LY9: variants seen among roughly 807,000 people sequenced by gnomAD.
LY9 encodes lymphocyte antigen 9.
Under a neutral mutation model 64.6 loss-of-function variants are expected in LY9, and 59 were observed. That is an observed-to-expected ratio of 0.91 (90% CI 0.74 to 1.13). The LOEUF is 1.13. Ranked by LOEUF, LY9 falls within the 50% of genes most tolerant of loss-of-function variation. The pLI is 0.00. For missense variants in LY9, 789 were observed against 797.2 expected, an observed-to-expected ratio of 0.99 and a Z score of 0.12; for synonymous variants, 281 against 308.5, an observed-to-expected ratio of 0.91 and a Z score of 0.93.
At chr1:160,819,258 G>C (rs1028826148) in intron 6 of LY9, 63 bp from the exon 7 acceptor site, 31 of 1,262,016 alleles carry the variant, frequency 2.5e-5, no homozygotes, top group Non-Finnish European at 3.6e-5. Flanking sequence ...GACTCTCACA[G>C]AATAAAAGAC....
intron 2 of LY9, among the ~76,000 whole-genome samples, chr1:160,807,833 A>G (rs953069931): frequency 4.6e-5 from 7 of 152,124 alleles, no homozygotes; most frequent in Non-Finnish European, 1.0e-4. Flanking sequence ...GGCAATCCCC[A>G]AGATGCTGGC....
intron 7 of LY9, among the ~76,000 whole-genome samples, chr1:160,820,541 A>G (rs1327062978): frequency 6.6e-6 from 1 of 152,196 alleles, no homozygotes; most frequent in African/African-American, 2.4e-5. Flanking sequence ...CTGATGGAAA[A>G]GCATAACCAA....
rs1668112762 is a variant in LY9 at position 160,818,298 on chromosome 1, A to G, written c.1423A>G (p.Ile475Val). 6.2e-7 allele frequency: 1 copy of G among 1,614,020 alleles called. No individual in the cohort carries two copies. ...LLCVGIFSWC[I>V]WKRKGRCSVP... Reference sequence around the variant, plus strand: ...GTGCGTTGGGATCTTCAGCTGGTGCATTTGGAAGCGAAAAGGACGGTGTGA... The same window carrying G: ...GTGCGTTGGGATCTTCAGCTGGTGCGTTTGGAAGCGAAAAGGACGGTGTGA... The change falls in exon 6 of 10, where the codon ATT (isoleucine) becomes GTT (valine). Residue 475 changes from isoleucine to valine, a missense_variant. Physicochemically the swap from Ile to Val is conservative, Grantham distance 29 (BLOSUM62 3). Transcript: ENST00000263285.
rs1287466403 is a variant in LY9 at position 160,814,277 on chromosome 1, C to G, written c.731-143C>G. ...GGAACAGGTGGTCATGGAGAAGTAGCAGGCATGCCCCTCAGAGGAGGAGGC... is the reference window on the plus strand; with the variant it reads ...GGAACAGGTGGTCATGGAGAAGTAGGAGGCATGCCCCTCAGAGGAGGAGGC... On this transcript the variant is annotated intron_variant, in intron 3 of 9. Coordinates refer to ENST00000263285, the MANE Select transcript of LY9 (RefSeq NM_002348.4). 4 of 663,434 alleles carry G rather than the reference C, an allele frequency of 6.0e-6. No individual in the cohort carries two copies. The Admixed American group carries it at 1.1e-4, about 19-fold the overall frequency. The allele number at this position is 663,434 out of a possible 1,614,324, so 41.1% of individuals were successfully genotyped here.
At chr1:160,818,596 G>A (rs771694032) in intron 6 of LY9, among the ~76,000 whole-genome samples, 16 of 152,110 alleles carry the variant, frequency 1.1e-4, no homozygotes, top group Admixed American at 7.2e-4. Flanking sequence ...GGGAAGGCAG[G>A]GATAGAGCTG....
At chr1:160,806,810 C>T (rs942716466) in intron 2 of LY9, among the ~76,000 whole-genome samples, 3 of 152,198 alleles carry the variant, frequency 2.0e-5, no homozygotes, top group Admixed American at 1.3e-4. Flanking sequence ...TCATTAAATA[C>T]ATTTTCTAAT....
At chr1:160,820,276 A>T (rs1339010680) in intron 7 of LY9, among the ~76,000 whole-genome samples, 1 of 152,136 alleles carries the variant, frequency 6.6e-6, no homozygotes, top group Non-Finnish European at 1.5e-5. Flanking sequence ...GACAGGTTTT[A>T]GTGTGGGGAG....
At chr1:160,804,470 C>T (rs566714618) in intron 2 of LY9, among the ~76,000 whole-genome samples, 1 of 152,084 alleles carries the variant, frequency 6.6e-6, no homozygotes, top group South Asian at 2.1e-4. Context: ...TTTTGATATG[C>T]TGTTGGATTC....
At chr1:160,821,165 A>AAAAAAAAAAAAAAAG (rs796579729) in intron 7 of LY9, among the ~76,000 whole-genome samples, 1 of 150,090 alleles carries the variant, frequency 6.7e-6, no homozygotes. Flanking sequence ...AAAAAAAAAA[A>AAAAAAAAAAAAAAAG]AAAACCATAT....
chr1:160,797,862 T>TACACAC (rs57306367), intron 1 of LY9, among the ~76,000 whole-genome samples: 20 of 150,730 alleles, frequency 1.3e-4, no homozygotes, highest in African/African-American at 4.9e-4. Flanking sequence ...AGATGATCTA[T>TACACAC]ACACACACAC....
At chr1:160,807,758 G>C (rs11265489) in intron 2 of LY9, among the ~76,000 whole-genome samples, 56,945 of 152,034 alleles carry the variant, frequency 0.37, 11,853 homozygotes, top group Non-Finnish European at 0.48. Context: ...TAGTGGCTGG[G>C]AGTTAGGCCC....
intron 9 of LY9, among the ~76,000 whole-genome samples, chr1:160,825,071 G>A (rs1668781487): frequency 6.6e-6 from 1 of 151,696 alleles, no homozygotes; most frequent in African/African-American, 2.4e-5. Flanking sequence ...CCAGGCCTGT[G>A]GTGGTACACA....
At chr1:160,801,924 GC>G (rs1558084732) in intron 2 of LY9, 1 of 1,603,256 alleles carries the variant, frequency 6.2e-7, no homozygotes, top group Non-Finnish European at 8.5e-7. Flanking sequence ...CTAGGCCCTC[GC>G]CCCCACCTGC....
chr1:160,801,886 C>G, intron 2 of LY9: 2 of 1,614,082 alleles, frequency 1.2e-6, no homozygotes, highest in Non-Finnish European at 1.7e-6. Flanking sequence ...AGCACCCTGG[C>G]TGAGCCACGT....
chr1:160,827,528 T>C (rs1668922547), intron 9 of LY9, among the ~76,000 whole-genome samples: 1 of 152,212 alleles, frequency 6.6e-6, no homozygotes, highest in Non-Finnish European at 1.5e-5. Context: ...AACTGTCTTG[T>C]GTTGTCCTTG....
intron 2 of LY9, chr1:160,812,592 A>C (rs907266238): frequency 6.6e-6 from 1 of 152,364 alleles, no homozygotes; most frequent in African/African-American, 2.4e-5. Flanking sequence ...GGTTCAAAAC[A>C]GTGTGTAAAG....
At chr1:160,824,297 A>G in intron 9 of LY9, 48 bp downstream of exon 9, 1 of 1,611,886 alleles carries the variant, frequency 6.2e-7, no homozygotes, top group Non-Finnish European at 8.5e-7. Context: ...AGAGTGAGGA[A>G]CTATTCCTTA....
intron 9 of LY9, among the ~76,000 whole-genome samples, chr1:160,825,281 T>C (rs1308161440): frequency 3.9e-5 from 6 of 152,168 alleles, no homozygotes; most frequent in African/African-American, 1.4e-4. Context: ...ACTGACTTGC[T>C]TTTATATGAA....
chr1:160,807,984 G>A (rs1667139947), intron 2 of LY9, among the ~76,000 whole-genome samples: 2 of 152,294 alleles, frequency 1.3e-5, no homozygotes, highest in Non-Finnish European at 2.9e-5. Context: ...GTGCTCAGGT[G>A]AGGACAGTAG....
Sources: allele counts gnomAD v4.1 joint callset (sites outside exome capture counted in the v4.1 genomes callset), GRCh38; gene constraint gnomAD v4.1.1; transcripts MANE v1.5; gene names NCBI Gene and HGNC (gene_info 2026-07-23, HGNC 2026-07-21).